The following MACROD2 variants were observed in gnomAD, a reference collection of about 807,000 sequenced individuals.
MACROD2 encodes ADP-ribose glycohydrolase MACROD2.
MACROD2 carries 36 observed loss-of-function variants against 70.4 expected under a neutral mutation model. The ratio of observed to expected loss-of-function variants is 0.51; its 90% CI spans 0.39 to 0.68. The LOEUF is 0.68. MACROD2 is among the 30% of genes least tolerant of loss of function. The probability of loss-of-function intolerance (pLI) is 0.00; values close to 1 mark genes in which losing one functional copy is unlikely to be tolerated. For missense variants in MACROD2, 496 were observed against 538.4 expected (o/e 0.92, Z 0.78); for synonymous variants, 172 against 178.8 (o/e 0.96, Z 0.30).
chr20:15,702,606 C>A (rs891136879), intron 8 of MACROD2, among the ~76,000 whole-genome samples: 1 of 152,090 alleles, frequency 6.6e-6, no homozygotes, highest in African/African-American at 2.4e-5. Flanking sequence ...TATTTTCTCC[C>A]ATTCTGTAGG....
chr20:15,405,661 G>T (rs544578311), intron 6 of MACROD2, among the ~76,000 whole-genome samples: 3 of 152,204 alleles, frequency 2.0e-5, no homozygotes, highest in South Asian at 4.1e-4. Context: ...TACTCCTCCT[G>T]TCTCGTTAAT....
intron 5 of MACROD2, among the ~76,000 whole-genome samples, chr20:14,927,764 A>T (rs536122394): frequency 1.3e-5 from 2 of 152,314 alleles, no homozygotes; most frequent in South Asian, 4.1e-4. Context: ...AAGATGTTAC[A>T]GGTGTTTACT....
In MACROD2 at chr20:15,688,548, T is replaced by C. The variant is rs1021258099; in HGVS notation, c.646-174197T>C. ...TCAGAATGTAGATTCCCAGGGCTGCTTGATTGGCTTCAATATGTGAAGAAT... is the reference window on the plus strand; with the variant it reads ...TCAGAATGTAGATTCCCAGGGCTGCCTGATTGGCTTCAATATGTGAAGAAT... On this transcript the variant is annotated intron_variant, in intron 8 of 17. Coordinates refer to ENST00000684519, the MANE Select transcript of MACROD2 (RefSeq NM_001351661.2). Among the ~76,000 whole-genome samples, 3 of 152,342 alleles carry C rather than the reference T, an allele frequency of 2.0e-5. No individual in the cohort carries two copies. The East Asian group carries it at 5.8e-4, about 29-fold the overall frequency.
At chr20:14,301,262 T>G (rs2082472779) in intron 3 of MACROD2, among the ~76,000 whole-genome samples, 1 of 152,146 alleles carries the variant, frequency 6.6e-6, no homozygotes, top group South Asian at 2.1e-4. Context: ...GTGAATATAC[T>G]TTATATTTTT....
At chr20:15,479,568 C>G (rs914333649) in intron 7 of MACROD2, among the ~76,000 whole-genome samples, 2 of 152,266 alleles carry the variant, frequency 1.3e-5, no homozygotes, top group East Asian at 1.9e-4. Context: ...CCACCGCGCC[C>G]GGCCTAGATT....
At chr20:15,137,195 C>A (rs2076155311) in intron 5 of MACROD2, among the ~76,000 whole-genome samples, 1 of 149,968 alleles carries the variant, frequency 6.7e-6, no homozygotes, top group South Asian at 2.1e-4. Context: ...TTGACCCAGC[C>A]ATCCCATTAC....
intron 3 of MACROD2, among the ~76,000 whole-genome samples, chr20:14,227,946 A>T (rs554829052): frequency 5.5e-4 from 84 of 152,248 alleles, no homozygotes; most frequent in Non-Finnish European, 1.1e-3. Context: ...ATACCATTTT[A>T]AAAAATTAAT....
At chr20:15,328,894 G>A (rs943104823) in intron 6 of MACROD2, among the ~76,000 whole-genome samples, 5 of 152,070 alleles carry the variant, frequency 3.3e-5, no homozygotes, top group Non-Finnish European at 5.9e-5. Context: ...GTATATAATA[G>A]TGTGCGTATA....
chr20:14,348,681 C>G (rs2083089493), intron 3 of MACROD2, among the ~76,000 whole-genome samples: 1 of 152,068 alleles, frequency 6.6e-6, no homozygotes, highest in African/African-American at 2.4e-5. Flanking sequence ...ATATGTGATG[C>G]TTACAGATTC....
At chr20:14,088,491 T>C (rs2054110095) in intron 3 of MACROD2, among the ~76,000 whole-genome samples, 1 of 68 alleles carries the variant, frequency 0.015, no homozygotes, top group South Asian at 0.5. Flanking sequence ...TAAATACACT[T>C]ATCAGCCTTC....
intron 8 of MACROD2, among the ~76,000 whole-genome samples, chr20:15,849,218 C>A (rs2064269129): frequency 6.6e-6 from 1 of 152,146 alleles, no homozygotes; most frequent in Non-Finnish European, 1.5e-5. Flanking sequence ...GGACATGAAC[C>A]TATGGAAAAT....
intron 5 of MACROD2, among the ~76,000 whole-genome samples, chr20:14,910,032 G>A (rs1276391927): frequency 6.6e-6 from 1 of 152,108 alleles, no homozygotes; most frequent in Non-Finnish European, 1.5e-5. Flanking sequence ...TACTCACTTA[G>A]CCTCATCAAA....
chr20:14,842,552 T>C (rs766525356), intron 5 of MACROD2, among the ~76,000 whole-genome samples: 1 of 152,138 alleles, frequency 6.6e-6, no homozygotes, highest in Non-Finnish European at 1.5e-5. Flanking sequence ...TATTAGGCTT[T>C]GTAATGTCTT....
chr20:14,845,949 A>G (rs1034517775), intron 5 of MACROD2, among the ~76,000 whole-genome samples: 1 of 152,124 alleles, frequency 6.6e-6, no homozygotes, highest in Non-Finnish European at 1.5e-5. Context: ...TCACAGCAGT[A>G]CTTATCACTG....
rs950420194 is a variant in MACROD2, at chr20:15,389,390, G to C, written c.541-42015G>C. Among the ~76,000 whole-genome samples, 5 of 152,194 alleles carry C rather than the reference G, an allele frequency of 3.3e-5. No homozygotes were observed. In the East Asian group the frequency reaches 5.8e-4, roughly 18 times the overall value. On this transcript the variant is annotated intron_variant, in intron 6 of 17. Coordinates refer to ENST00000684519, the MANE Select transcript of MACROD2 (RefSeq NM_001351661.2). Reference sequence around the variant, plus strand: ...AGAAAGAGGAAGAAAGGAAGCAGAAGAAAGAGTGAAGTTGAAGGTCTAGAA... The same window carrying C: ...AGAAAGAGGAAGAAAGGAAGCAGAACAAAGAGTGAAGTTGAAGGTCTAGAA...
chr20:14,423,240 C>T (rs1242110604), intron 3 of MACROD2, among the ~76,000 whole-genome samples: 3 of 152,016 alleles, frequency 2.0e-5, no homozygotes, highest in Admixed American at 1.3e-4. Flanking sequence ...TCTATTATTT[C>T]GAAGATAGGT....
rs923748147 is a variant in MACROD2, at chr20:14,455,148, C to A, written c.272-38331C>A. ...TGTACTCCCTCAAGAGGTGTCCAGG[C>A]AATATTATGTATTAGCAATTAACAC... On this transcript the variant is annotated intron_variant, in intron 3 of 17. Coordinates refer to ENST00000684519, the MANE Select transcript of MACROD2 (RefSeq NM_001351661.2). Among the ~76,000 whole-genome samples, 21 of 151,768 alleles carry A rather than the reference C, an allele frequency of 1.4e-4. 1 individual carries two copies. The highest frequency in any genetic ancestry group is 5.9e-4 in the Admixed American group (9 of 15,254).
intron 13 of MACROD2, among the ~76,000 whole-genome samples, chr20:15,974,120 A>G (rs1357678306): frequency 6.6e-6 from 1 of 152,162 alleles, no homozygotes; most frequent in Non-Finnish European, 1.5e-5. Flanking sequence ...AAACAGACCC[A>G]AGTAGATCTG....
chr20:15,381,875 G>A (rs2045649431), intron 6 of MACROD2, among the ~76,000 whole-genome samples: 1 of 152,140 alleles, frequency 6.6e-6, no homozygotes, highest in South Asian at 2.1e-4. Context: ...GCCCAGATGA[G>A]TAAAATGGAT....
Sources: allele counts gnomAD v4.1 joint callset (sites outside exome capture counted in the v4.1 genomes callset), GRCh38; gene constraint gnomAD v4.1.1; transcripts MANE v1.5; gene names NCBI Gene and HGNC (gene_info 2026-07-23, HGNC 2026-07-21).